The following ALCAM variants were observed in gnomAD, a reference collection of about 807,000 sequenced individuals.
ALCAM encodes activated leukocyte cell adhesion molecule, also known as CD166 antigen.
Under a neutral mutation model 70.9 loss-of-function variants are expected in ALCAM, and 30 were observed. The observed-to-expected ratio is 0.42, with a 90% CI of 0.32 to 0.57. The LOEUF is 0.57. Ranked by LOEUF, ALCAM falls within the 20% of genes least tolerant of loss-of-function variation. The pLI is 0.11. For synonymous variants in ALCAM, 249 were observed against 242.5 expected, an observed-to-expected ratio of 1.03 and a Z score of -0.25; for missense variants, 591 against 695.1, an observed-to-expected ratio of 0.85 and a Z score of 1.68.
At chr3:105,400,083 A>G (rs1322296600) in intron 1 of ALCAM, among the ~76,000 whole-genome samples, 1 of 152,154 alleles carries the variant, frequency 6.6e-6, no homozygotes, top group Admixed American at 6.6e-5. Context: ...GGTTATAAGC[A>G]TAATAGTTGG....
In ALCAM at chr3:105,404,020, C is replaced by T. The variant is rs140284127; in HGVS notation, c.73+36539C>T. Reference sequence around the variant, plus strand: ...CTCAAAGACAAGTCTTTTGAATTAACCCAATCTGTCAAAAACAAAGAAAAA... The same window carrying T: ...CTCAAAGACAAGTCTTTTGAATTAATCCAATCTGTCAAAAACAAAGAAAAA... On this transcript the variant is annotated intron_variant, in intron 1 of 15. Coordinates refer to ENST00000306107, the MANE Select transcript of ALCAM (RefSeq NM_001627.4). 1.2e-3 allele frequency among the ~76,000 whole-genome samples: 178 copies of T among 151,102 alleles called. 1 individual carries two copies. The highest frequency in any genetic ancestry group is 3.9e-3 in the African/African-American group (159 of 41,134).
At chr3:105,560,345 C>T (rs1028937057) in intron 14 of ALCAM, among the ~76,000 whole-genome samples, 4 of 152,082 alleles carry the variant, frequency 2.6e-5, no homozygotes, top group South Asian at 2.1e-4. Context: ...CTTTGTGAAG[C>T]GACTATTCAA....
At chr3:105,441,320 A>T (rs1379113634) in intron 1 of ALCAM, among the ~76,000 whole-genome samples, 1 of 152,140 alleles carries the variant, frequency 6.6e-6, no homozygotes, top group Non-Finnish European at 1.5e-5. Context: ...TGAACAGAAT[A>T]GTTGCTACCA....
intron 1 of ALCAM, among the ~76,000 whole-genome samples, chr3:105,441,981 A>G (rs1481876023): frequency 1.3e-5 from 2 of 152,194 alleles, no homozygotes; most frequent in East Asian, 3.8e-4. Context: ...TTTAGAATCT[A>G]TTTTCAGATT....
At chr3:105,527,994 A>G (rs1456101375) in intron 3 of ALCAM, among the ~76,000 whole-genome samples, 7 of 152,202 alleles carry the variant, frequency 4.6e-5, no homozygotes, top group Admixed American at 1.3e-4. Flanking sequence ...TTATTTAAAT[A>G]TAAAAGATAC....
intron 6 of ALCAM, among the ~76,000 whole-genome samples, chr3:105,536,502 T>C (rs897318482): frequency 6.6e-6 from 1 of 152,092 alleles, no homozygotes; most frequent in South Asian, 2.1e-4. Context: ...AATTGGGAAA[T>C]TGGCTTCAGA....
chr3:105,529,397 T>G (rs1293898280), intron 3 of ALCAM, among the ~76,000 whole-genome samples: 1 of 152,184 alleles, frequency 6.6e-6, no homozygotes, highest in Non-Finnish European at 1.5e-5. Context: ...TTTTAACACT[T>G]TGGAATCAAT....
At chr3:105,404,122 A>G (rs979188578) in intron 1 of ALCAM, among the ~76,000 whole-genome samples, 2 of 152,074 alleles carry the variant, frequency 1.3e-5, no homozygotes, top group Non-Finnish European at 2.9e-5. Flanking sequence ...ATAATTGGTG[A>G]TCCTGAGGAA....
At chr3:105,495,094 C>G (rs1026571050) in intron 1 of ALCAM, among the ~76,000 whole-genome samples, 1 of 152,204 alleles carries the variant, frequency 6.6e-6, no homozygotes, top group African/African-American at 2.4e-5. Context: ...TGAGAGAGAT[C>G]TTTTTGCCCG....
chr3:105,453,587 T>C (rs1256857088), intron 1 of ALCAM, among the ~76,000 whole-genome samples: 1 of 152,228 alleles, frequency 6.6e-6, no homozygotes, highest in African/African-American at 2.4e-5. Flanking sequence ...AAATTTAAAA[T>C]AGTTTTTTCT....
chr3:105,443,159 T>C (rs1937215594), intron 1 of ALCAM, among the ~76,000 whole-genome samples: 1 of 152,228 alleles, frequency 6.6e-6, no homozygotes, highest in Non-Finnish European at 1.5e-5. Context: ...GCACCCTTTA[T>C]AAGAGATCAA....
intron 1 of ALCAM, among the ~76,000 whole-genome samples, chr3:105,452,119 A>T (rs1204621715): frequency 6.6e-6 from 1 of 152,022 alleles, no homozygotes; most frequent in East Asian, 1.9e-4. Context: ...TCTTCCAAAA[A>T]AAAGGATACA....
At chr3:105,543,848 A>G (rs959130575) in intron 8 of ALCAM, among the ~76,000 whole-genome samples, 8 of 151,708 alleles carry the variant, frequency 5.3e-5, no homozygotes, top group Admixed American at 5.3e-4. Context: ...CCACTTTTCT[A>G]CATGTTGGTA....
intron 1 of ALCAM, among the ~76,000 whole-genome samples, chr3:105,440,410 C>A (rs958032717): frequency 5.3e-5 from 8 of 152,140 alleles, no homozygotes; most frequent in African/African-American, 1.9e-4. Flanking sequence ...TCAGGCTTGT[C>A]TTATTTTGCT....
At chr3:105,474,070 G>A (rs1393214862) in intron 1 of ALCAM, among the ~76,000 whole-genome samples, 3 of 151,638 alleles carry the variant, frequency 2.0e-5, no homozygotes, top group Admixed American at 1.3e-4. Context: ...ACCACAGGTA[G>A]TAGCTAAATT....
chr3:105,416,007 A>T (rs9875972), intron 1 of ALCAM, among the ~76,000 whole-genome samples: 15,228 of 152,060 alleles, frequency 0.1, 847 homozygotes, highest in South Asian at 0.17. Context: ...AAGACAAACC[A>T]GATATGCTGG....
intron 6 of ALCAM, among the ~76,000 whole-genome samples, chr3:105,539,104 C>A (rs965699959): frequency 6.6e-6 from 1 of 152,028 alleles, no homozygotes. Context: ...ATTATTAAGT[C>A]TTGTGGAAAA....
intron 1 of ALCAM, among the ~76,000 whole-genome samples, chr3:105,505,926 C>A (rs1364301129): frequency 6.6e-6 from 1 of 152,014 alleles, no homozygotes; most frequent in African/African-American, 2.4e-5. Flanking sequence ...GGCTTTAGAA[C>A]AAATAGAAAA....
At chr3:105,448,263 A>T (rs1937342473) in intron 1 of ALCAM, among the ~76,000 whole-genome samples, 2 of 152,222 alleles carry the variant, frequency 1.3e-5, no homozygotes, top group African/African-American at 4.8e-5. Flanking sequence ...TCCACCTTTT[A>T]TAAAACCCTA....
Sources: allele counts gnomAD v4.1 joint callset (sites outside exome capture counted in the v4.1 genomes callset), GRCh38; gene constraint gnomAD v4.1.1; transcripts MANE v1.5; gene names NCBI Gene and HGNC (gene_info 2026-07-23, HGNC 2026-07-21).